Variants in PCDHA7 observed in about 807,000 individuals in gnomAD.
PCDHA7 encodes protocadherin alpha 7, also known as protocadherin alpha-7.
PCDHA7 carries 37 observed loss-of-function variants against 57.2 expected under a neutral mutation model. The ratio of observed to expected loss-of-function variants is 0.65; its 90% CI spans 0.50 to 0.85. The LOEUF (loss-of-function observed/expected upper bound fraction) is 0.85, where lower values mean the gene tolerates loss of function less well. PCDHA7 is among the 40% of genes least tolerant of loss of function. The pLI, the probability that PCDHA7 is intolerant of heterozygous loss-of-function variation, is 0.00. For synonymous variants in PCDHA7, 553 were observed against 558.8 expected (o/e 0.99, Z 0.15); for missense variants, 1,188 against 1,241.8 (o/e 0.96, Z 0.65).
At chr5:140,970,773 T>G (rs1385909769) in intron 1 of PCDHA7, among the ~76,000 whole-genome samples, 1 of 152,240 alleles carries the variant, frequency 6.6e-6, no homozygotes, top group Non-Finnish European at 1.5e-5. Context: ...TTGCTGTACA[T>G]ACATATTGTA....
At chr5:140,856,019 C>G in intron 1 of PCDHA7, 1 of 1,551,820 alleles carries the variant, frequency 6.4e-7, no homozygotes, top group Non-Finnish European at 8.7e-7. Flanking sequence ...ACCGCTGATT[C>G]GTCGATTTGT....
At chr5:140,975,045 A>G (rs1249490997) in intron 1 of PCDHA7, among the ~76,000 whole-genome samples, 1 of 152,112 alleles carries the variant, frequency 6.6e-6, no homozygotes, top group Non-Finnish European at 1.5e-5. Context: ...GGCTCTTAGG[A>G]AGAATCTACT....
intron 1 of PCDHA7, chr5:140,842,173 T>C: frequency 6.2e-7 from 1 of 1,613,902 alleles, no homozygotes; most frequent in Non-Finnish European, 8.5e-7. Context: ...TTAATAGCCT[T>C]GTTGAAACTA....
intron 3 of PCDHA7, among the ~76,000 whole-genome samples, chr5:140,994,726 G>T (rs774837274): frequency 3.0e-4 from 45 of 151,958 alleles, no homozygotes; most frequent in Non-Finnish European, 3.7e-4. Flanking sequence ...TAAAATACTG[G>T]GTATTGCAGG....
chr5:140,895,617 G>A (rs782388218), intron 1 of PCDHA7, among the ~76,000 whole-genome samples: 2 of 152,084 alleles, frequency 1.3e-5, no homozygotes, highest in Non-Finnish European at 2.9e-5. Context: ...CTCATTGAGG[G>A]TGTTGTCTTT....
At chr5:140,984,371 C>T (rs2097099528) in intron 3 of PCDHA7, among the ~76,000 whole-genome samples, 1 of 152,150 alleles carries the variant, frequency 6.6e-6, no homozygotes, top group African/African-American at 2.4e-5. Flanking sequence ...TGGCCAAGTC[C>T]CTCTTTCAGA....
chr5:140,890,822 A>T (rs1044008204), intron 1 of PCDHA7, among the ~76,000 whole-genome samples: 8 of 152,186 alleles, frequency 5.3e-5, no homozygotes, highest in Non-Finnish European at 1.0e-4. Flanking sequence ...TTTTAAATGT[A>T]CTTACATATT....
At chr5:140,857,106 C>A (rs2044362842) in intron 1 of PCDHA7, 2 of 1,597,856 alleles carry the variant, frequency 1.3e-6, no homozygotes, top group African/African-American at 2.7e-5. Context: ...ATTGTCACTT[C>A]TCTGTCTCTC....
In PCDHA7 at chr5:140,834,515, C is replaced by T; in HGVS notation, c.132C>T (p.Phe44=). Reference sequence around the variant, plus strand: ...CCGAGGAGGCTAAACATGGCAACTTCGTGGGCCGCATCGCGCAGGACCTGG... The same window carrying T: ...CCGAGGAGGCTAAACATGGCAACTTTGTGGGCCGCATCGCGCAGGACCTGG... ...SVPEEAKHGN[F]VGRIAQDLGL... The change falls in exon 1 of 4, where the codon TTC becomes TTT. Residue 44 remains phenylalanine, a synonymous_variant. Coordinates refer to ENST00000525929, the MANE Select transcript of PCDHA7 (RefSeq NM_018910.3). The T allele has an allele frequency of 6.2e-7, 1 of 1,614,100 alleles. No homozygotes were observed. The highest frequency in any genetic ancestry group is 2.2e-5 in the East Asian group (1 of 44,884).
At chr5:140,998,585 A>C (rs1227951754) in intron 3 of PCDHA7, among the ~76,000 whole-genome samples, 1 of 148,644 alleles carries the variant, frequency 6.7e-6, no homozygotes, top group Non-Finnish European at 1.5e-5. Context: ...TTTTTTTGAG[A>C]CAGAGTTTTG....
chr5:140,883,119 C>T, intron 1 of PCDHA7: 1 of 1,613,998 alleles, frequency 6.2e-7, no homozygotes, highest in Non-Finnish European at 8.5e-7. Context: ...TTTAGAAGGC[C>T]TGTATGGCCT....
Position 141,009,690 on chromosome 5 carries a change from TTAAA to T in PCDHA7, c.2570_2573del (p.Lys857ThrfsTer44). On this transcript the variant is annotated frameshift_variant, in exon 4 of 4. Transcript: ENST00000525929. LOFTEE classifies it high-confidence loss of function. ...GGTGTCAACAGCAACAGCTGGACCT[TTAAA>T]TACGGACCAGGCAACCCCAAACAAT... 6.2e-7 allele frequency: 1 copy of T among 1,614,068 alleles called. No individual in the cohort carries two copies. Among genetic ancestry groups the T allele is most frequent in the Non-Finnish European group, 8.5e-7 (1 of 1,180,024 alleles).
intron 1 of PCDHA7, among the ~76,000 whole-genome samples, chr5:140,890,310 G>C (rs1554184247): frequency 6.6e-6 from 1 of 152,160 alleles, no homozygotes; most frequent in African/African-American, 2.4e-5. Context: ...GTAATATTAA[G>C]TTGTTTTAAG....
rs2150261358 is a variant in PCDHA7 at position 140,836,457 on chromosome 5, G to A, written c.2074G>A (p.Glu692Lys). The A allele has an allele frequency of 0.051, 82,082 of 1,613,792 alleles. 3,121 individuals are homozygous for A. Among genetic ancestry groups the A allele is most frequent in the Middle Eastern group, 0.086 (519 of 6,060 alleles). The change falls in exon 1 of 4, where the codon GAG (glutamate) becomes AAG (lysine). Residue 692 changes from glutamate (E) to lysine (K), a missense_variant. Coordinates refer to ENST00000525929, the MANE Select transcript of PCDHA7 (RefSeq NM_018910.3). ...ASLGIAGPETELVDVNVYLII... is the reference protein window; with the variant it reads ...ASLGIAGPETKLVDVNVYLII... ...GTTGGGCATTGCAGGCCCAGAGACC[G>A]AGCTGGTGGATGTCAACGTGTACCT...
intron 1 of PCDHA7, among the ~76,000 whole-genome samples, chr5:140,977,613 G>T (rs1554238687): frequency 2.0e-5 from 3 of 152,150 alleles, no homozygotes; most frequent in African/African-American, 7.2e-5. Flanking sequence ...TTGAGGTAAA[G>T]TATCCCAGAG....
chr5:140,903,023 G>A (rs1554190732), intron 1 of PCDHA7, among the ~76,000 whole-genome samples: 1 of 152,126 alleles, frequency 6.6e-6, no homozygotes, highest in East Asian at 1.9e-4. Context: ...TATCAACATG[G>A]CTTGCACATG....
At chr5:140,850,162 T>C in intron 1 of PCDHA7, 2 of 1,595,026 alleles carry the variant, frequency 1.3e-6, no homozygotes, top group Non-Finnish European at 1.7e-6. Context: ...GTGTTCGTGC[T>C]GGACGAGAAC....
intron 1 of PCDHA7, among the ~76,000 whole-genome samples, chr5:140,909,844 C>T (rs572833280): frequency 7.9e-5 from 12 of 152,276 alleles, no homozygotes; most frequent in African/African-American, 2.4e-4. Context: ...ACCACCAGGA[C>T]GTTTTCGGTC....
rs1448564423 is a variant in PCDHA7 at position 140,841,223 on chromosome 5, A to G, written c.2355+4485A>G. 4.8e-6 allele frequency: 7 copies of G among 1,448,108 alleles called. No homozygotes were observed. In the Admixed American group the frequency reaches 6.8e-5, roughly 14 times the overall value. The allele number at this position is 1,448,108 out of a possible 1,614,324, so 89.7% of individuals were successfully genotyped here. ...CAGCATCTGTCTCTAAAGGCCGAAC[A>G]ACGGGAGATGCAGCGGAATTGGATT... is the stretch of plus-strand genomic sequence containing the variant. On this transcript the variant is annotated intron_variant, in intron 1 of 3. Transcript: ENST00000525929.
Sources: allele counts gnomAD v4.1 joint callset (sites outside exome capture counted in the v4.1 genomes callset), GRCh38; gene constraint gnomAD v4.1.1; transcripts MANE v1.5; gene names NCBI Gene and HGNC (gene_info 2026-07-23, HGNC 2026-07-21).